CAST: variants seen among roughly 807,000 people sequenced by gnomAD.
CAST encodes the protein calpastatin.
Under a neutral mutation model 119.6 loss-of-function variants are expected in CAST, and 76 were observed. The ratio of observed to expected loss-of-function variants is 0.64; its 90% CI spans 0.53 to 0.77. CAST has a LOEUF of 0.77. CAST is among the 30% of genes least tolerant of loss of function. CAST has a pLI of 0.00. For missense variants in CAST, 953 were observed against 946.5 expected (o/e 1.01, Z -0.09); for synonymous variants, 319 against 331.6 (o/e 0.96, Z 0.41).
chr5:96,108,996 G>A, the CAST span, among the ~76,000 whole-genome samples: 17 of 152,210 alleles, frequency 1.1e-4, no homozygotes, highest in Admixed American at 2.0e-4. Context: ...TCCAGGTGCC[G>A]TCTGTCACCC....
At chr5:96,412,208 G>A in the CAST span, 1 of 981,674 alleles carries the variant, frequency 1.0e-6, no homozygotes, top group Non-Finnish European at 1.6e-6. Flanking sequence ...AAAGGACTTT[G>A]TTAAGAAATC....
At chr5:96,477,399 G>C in the CAST span, among the ~76,000 whole-genome samples, 1 of 152,132 alleles carries the variant, frequency 6.6e-6, no homozygotes, top group African/African-American at 2.4e-5. Context: ...TCCTAACTGA[G>C]CCATCAACTT....
intron 1 of CAST, among the ~76,000 whole-genome samples, chr5:96,539,508 T>A (rs1399721643): frequency 6.6e-6 from 1 of 152,188 alleles, no homozygotes; most frequent in African/African-American, 2.4e-5. Context: ...CTTTTACTTT[T>A]AACCATCGCT....
the CAST span, among the ~76,000 whole-genome samples, chr5:96,036,712 A>G: frequency 6.6e-6 from 1 of 152,184 alleles, no homozygotes; most frequent in Admixed American, 6.6e-5. Flanking sequence ...CACAATTAAT[A>G]TTTAAGACCA....
chr5:96,081,965 G>A, the CAST span, among the ~76,000 whole-genome samples: 1 of 152,296 alleles, frequency 6.6e-6, no homozygotes, highest in Admixed American at 6.5e-5. Context: ...CCAGGCTGGA[G>A]TGTAGCGGCG....
At chr5:96,423,457 T>C in the CAST span, 1 of 1,614,074 alleles carries the variant, frequency 6.2e-7, no homozygotes, top group Non-Finnish European at 8.5e-7. Context: ...TCCTGGTATC[T>C]TGCTGGTAAA....
chr5:96,575,673 C>T (rs558876197), intron 1 of CAST, among the ~76,000 whole-genome samples: 64 of 151,178 alleles, frequency 4.2e-4, no homozygotes, highest in African/African-American at 1.5e-3. Flanking sequence ...GACGGAGTCT[C>T]ACTCTGTCAC....
intron 1 of CAST, among the ~76,000 whole-genome samples, chr5:96,544,784 A>G (rs1426408830): frequency 6.6e-6 from 1 of 151,970 alleles, no homozygotes; most frequent in Non-Finnish European, 1.5e-5. Context: ...TTCAATGTGA[A>G]TGGTCTAAGT....
At chr5:96,630,392 C>A (rs947708579) in intron 1 of CAST, among the ~76,000 whole-genome samples, 2 of 152,198 alleles carry the variant, frequency 1.3e-5, no homozygotes, top group African/African-American at 2.4e-5. Flanking sequence ...GAGGCTACAT[C>A]AAATCATTCT....
chr5:96,349,625 C>T, the CAST span, among the ~76,000 whole-genome samples: 1 of 152,120 alleles, frequency 6.6e-6, no homozygotes, highest in Non-Finnish European at 1.5e-5. Context: ...GAAAAAATTT[C>T]ACTATTTTCA....
intron 1 of CAST, chr5:96,663,152 T>A: frequency 1.4e-6 from 1 of 702,642 alleles, no homozygotes; most frequent in Non-Finnish European, 2.6e-6. Flanking sequence ...ATTCGCCAGC[T>A]GGTGGTACAA....
chr5:96,337,600 C>A, the CAST span, among the ~76,000 whole-genome samples: 4 of 152,158 alleles, frequency 2.6e-5, no homozygotes, highest in Non-Finnish European at 5.9e-5. Context: ...CTGGGGACAC[C>A]AGCTGGATCT....
the CAST span, among the ~76,000 whole-genome samples, chr5:96,362,183 A>G: frequency 5.3e-5 from 8 of 152,162 alleles, no homozygotes; most frequent in Admixed American, 1.3e-4. Context: ...TTATGGCTGC[A>G]TAGTATTCCA....
chr5:96,729,755 T>G, intron 8 of CAST, 30 bp downstream of exon 8: 1 of 902,666 alleles, frequency 1.1e-6, no homozygotes, highest in Non-Finnish European at 1.9e-6. Flanking sequence ...AGGAAAACCT[T>G]AACATCAACT....
the CAST span, among the ~76,000 whole-genome samples, chr5:96,181,235 C>T: frequency 1.3e-5 from 2 of 152,114 alleles, no homozygotes; most frequent in Non-Finnish European, 2.9e-5. Context: ...ACTTTTAGTT[C>T]CTGATTCAAT....
rs1434350369 is a variant in CAST at position 96,534,745 on chromosome 5, GAAAGAAAGAA to G, written c.60+4867_60+4876del. 2.3e-3 allele frequency among the ~76,000 whole-genome samples: 48 copies of G among 21,302 alleles called. 1 individual carries two copies. Among genetic ancestry groups the G allele is most frequent in the African/African-American group, 6.1e-3 (41 of 6,714 alleles). 14.0% of individuals were successfully genotyped at this position (21,302 alleles called of 152,430 possible). ...AGAGAGAGAGAGAGAGAGAGAGAAA[GAAAGAAAGAA>G]AGAAAGAAAGAAAGAAAGAAAGAAA... On this transcript the variant is annotated intron_variant, in intron 1 of 11. Coordinates refer to the CAST transcript ENST00000505143.
chr5:96,491,654 T>G, the CAST span, among the ~76,000 whole-genome samples: 5 of 152,052 alleles, frequency 3.3e-5, no homozygotes, highest in African/African-American at 1.2e-4. Context: ...ACACAGTAAT[T>G]CCATCCCTAG....
At chr5:96,450,855 A>G in the CAST span, among the ~76,000 whole-genome samples, 8 of 152,210 alleles carry the variant, frequency 5.3e-5, no homozygotes, top group African/African-American at 1.9e-4. Flanking sequence ...CCAGACATTT[A>G]GGGTATCTTT....
the CAST span, among the ~76,000 whole-genome samples, chr5:95,996,868 T>G: frequency 1.3e-5 from 2 of 152,130 alleles, no homozygotes; most frequent in African/African-American, 4.8e-5. Flanking sequence ...GTACACATTT[T>G]TCATCCTTAT....
Sources: gnomAD v4.1 joint callset for allele counts (sites outside exome capture counted in the v4.1 genomes callset) on GRCh38, gnomAD v4.1.1 for gene constraint, MANE v1.5 for transcripts, NCBI Gene and HGNC (gene_info 2026-07-23, HGNC 2026-07-21) for gene names.